Variants in FOXP1 observed in about 807,000 individuals in gnomAD.
FOXP1 encodes forkhead box P1.
Under a neutral mutation model 98.2 loss-of-function variants are expected in FOXP1, and 15 were observed. The observed-to-expected ratio is 0.15, with a 90% CI of 0.10 to 0.24. The LOEUF (loss-of-function observed/expected upper bound fraction) is 0.24. FOXP1 is among the 10% of genes least tolerant of loss of function. The pLI is 1.00. For synonymous variants in FOXP1, 371 were observed against 314.5 expected, an observed-to-expected ratio of 1.18 and a Z score of -1.90; for missense variants, 633 against 848.5, an observed-to-expected ratio of 0.75 and a Z score of 3.15.
At chr3:71,291,170 G>A (rs980750688) in intron 5 of FOXP1, among the ~76,000 whole-genome samples, 5 of 152,154 alleles carry the variant, frequency 3.3e-5, no homozygotes, top group Non-Finnish European at 7.3e-5. Context: ...TGAGCAGAGG[G>A]CTTGGTGGCT....
At chr3:71,278,021 G>C (rs993818532) in intron 5 of FOXP1, among the ~76,000 whole-genome samples, 2 of 152,004 alleles carry the variant, frequency 1.3e-5, no homozygotes, top group Non-Finnish European at 1.5e-5. Flanking sequence ...TGGTCACTTG[G>C]ATTGCCTACT....
intron 1 of FOXP1, chr3:71,582,338 G>T: frequency 1.0e-6 from 1 of 968,322 alleles, no homozygotes; most frequent in Non-Finnish European, 1.2e-6. Context: ...AAATGACCGC[G>T]ACCCCGCGGC....
At chr3:71,211,458 G>A (rs1301381938) in intron 5 of FOXP1, among the ~76,000 whole-genome samples, 1 of 151,926 alleles carries the variant, frequency 6.6e-6, no homozygotes, top group Non-Finnish European at 1.5e-5. Flanking sequence ...TTCCCCCCTT[G>A]GCCTCCTAAA....
intron 12 of FOXP1, among the ~76,000 whole-genome samples, chr3:71,010,939 G>A (rs2043519296): frequency 6.7e-6 from 1 of 150,178 alleles, no homozygotes; most frequent in Non-Finnish European, 1.5e-5. Context: ...AACAAAGTTG[G>A]TTTCATCAAA....
intron 5 of FOXP1, among the ~76,000 whole-genome samples, chr3:71,296,905 A>T (rs1258523966): frequency 6.6e-6 from 1 of 152,170 alleles, no homozygotes; most frequent in African/African-American, 2.4e-5. Flanking sequence ...TTGTCATGTG[A>T]CATGCCTGTT....
intron 5 of FOXP1, among the ~76,000 whole-genome samples, chr3:71,243,818 T>C (rs1428376387): frequency 6.6e-6 from 1 of 152,234 alleles, no homozygotes; most frequent in Non-Finnish European, 1.5e-5. Context: ...TTGTGGTCTT[T>C]ACTCTTTCTA....
intron 6 of FOXP1, among the ~76,000 whole-genome samples, chr3:71,135,189 G>A (rs1162512898): frequency 6.6e-6 from 1 of 150,438 alleles, no homozygotes; most frequent in Non-Finnish European, 1.5e-5. Context: ...AACCCAGGAG[G>A]TGGAGGTTGC....
chr3:71,142,552 G>A (rs1386897698), intron 6 of FOXP1, among the ~76,000 whole-genome samples: 1 of 152,204 alleles, frequency 6.6e-6, no homozygotes, highest in East Asian at 1.9e-4. Context: ...GAGACCATAT[G>A]GCAAGAAATG....
Position 70,965,921 on chromosome 3 carries a change from T to C in FOXP1, c.1858A>G (p.Ser620Gly), listed in dbSNP as rs1391157769. 1.9e-6 allele frequency: 3 copies of C among 1,614,166 alleles called. No homozygotes were observed. The highest frequency in any genetic ancestry group is 3.3e-5 in the Admixed American group (2 of 60,014). Residue 620 changes from serine (S) to glycine (G), a missense_variant, in exon 20 of 21, where the codon AGC becomes GGC. Transcript: ENST00000649528. The stretch of plus-strand genomic sequence containing the variant: ...TGCATAGGAGATCTGCCTGGACTGC[T>C]GTCACTCTCGTTGCTGTTGGTATGC... ...MEHTNSNESD[S>G]SPGRSPMQAV...
chr3:71,130,163 G>A (rs72949359), intron 6 of FOXP1, among the ~76,000 whole-genome samples: 3,580 of 152,258 alleles, frequency 0.024, 164 homozygotes, highest in African/African-American at 0.082. Flanking sequence ...AAGGCAACAC[G>A]AAACAATGTC....
intron 7 of FOXP1, among the ~76,000 whole-genome samples, chr3:71,065,189 A>T (rs2052305817): frequency 1.3e-5 from 2 of 150,264 alleles, no homozygotes; most frequent in Non-Finnish European, 3.0e-5. Flanking sequence ...TAACCCGGTG[A>T]CCCGCCTCCG....
chr3:71,527,674 G>T (rs2043500961), intron 2 of FOXP1, among the ~76,000 whole-genome samples: 1 of 152,120 alleles, frequency 6.6e-6, no homozygotes, highest in Non-Finnish European at 1.5e-5. Flanking sequence ...TTAAGTATTA[G>T]AATTTTTCAT....
chr3:71,291,035 A>G (rs2072699025), intron 5 of FOXP1, among the ~76,000 whole-genome samples: 1 of 152,064 alleles, frequency 6.6e-6, no homozygotes, highest in Non-Finnish European at 1.5e-5. Flanking sequence ...CCACCACCCT[A>G]TTTACACAGC....
rs143202281 is a variant in FOXP1, at chr3:70,955,832, GCACACACACA to G, written c.*3405_*3414del. On this transcript the variant is annotated 3_prime_UTR_variant, in exon 21 of 21. Coordinates refer to ENST00000649528, the MANE Select transcript of FOXP1 (RefSeq NM_001349338.3). ...AACAGATTAACACACACGCACGCGCGCACACACACACACACACACACACAAAACCTGTACA... is the reference window on the plus strand; with the variant it reads ...AACAGATTAACACACACGCACGCGCGCACACACACACACAAAACCTGTACA... 3.2e-5 allele frequency: 7 copies of G among 221,538 alleles called. No homozygotes were observed. Among genetic ancestry groups the G allele is most frequent in the South Asian group, 1.9e-4 (1 of 5,366 alleles). 13.7% of individuals were successfully genotyped at this position (221,538 alleles called of 1,614,324 possible).
At chr3:71,354,979 A>G (rs1016132207) in intron 4 of FOXP1, among the ~76,000 whole-genome samples, 2 of 152,204 alleles carry the variant, frequency 1.3e-5, no homozygotes, top group African/African-American at 4.8e-5. Flanking sequence ...TACCACCCAC[A>G]ATATCCTTCA....
intron 3 of FOXP1, among the ~76,000 whole-genome samples, chr3:71,471,315 C>T: frequency 6.6e-6 from 1 of 151,166 alleles, no homozygotes; most frequent in South Asian, 2.1e-4. Flanking sequence ...TAAACATACA[C>T]CAAAAATTAA....
intron 6 of FOXP1, among the ~76,000 whole-genome samples, chr3:71,114,926 T>C (rs1467084863): frequency 6.6e-6 from 1 of 152,150 alleles, no homozygotes; most frequent in African/African-American, 2.4e-5. Flanking sequence ...ATTTATATCA[T>C]ATAAGAAAAA....
intron 6 of FOXP1, among the ~76,000 whole-genome samples, chr3:71,147,382 ATGGTCT>A (rs1337104656): frequency 6.6e-6 from 1 of 152,052 alleles, no homozygotes; most frequent in African/African-American, 2.4e-5. Flanking sequence ...TACAACTGCC[ATGGTCT>A]TGCTGCTCCA....
rs545617878 is a variant in FOXP1 at position 71,541,964 on chromosome 3, C to T, written c.-298+39585G>A. The T allele has an allele frequency of 1.5e-4, 80 of 532,640 alleles. 1 individual carries two copies. Among genetic ancestry groups the T allele is most frequent in the South Asian group, 9.4e-4 (67 of 71,024 alleles). The allele number at this position is 532,640 out of a possible 1,614,324, so 33.0% of individuals were successfully genotyped here. ...CTTTGCCACATGGCATCACGCCGCG[C>T]GAGACAGATTTTCAGTATGAAAGAA... On this transcript the variant is annotated intron_variant, in intron 2 of 20. Transcript: ENST00000649528.
Sources: gnomAD v4.1 joint callset for allele counts (sites outside exome capture counted in the v4.1 genomes callset) on GRCh38, gnomAD v4.1.1 for gene constraint, MANE v1.5 for transcripts, NCBI Gene and HGNC (gene_info 2026-07-23, HGNC 2026-07-21) for gene names.